The following UBIAD1 variants were observed in gnomAD, a reference collection of about 807,000 sequenced individuals.
UBIAD1 encodes the protein UbiA prenyltransferase domain containing 1.
A neutral mutation model predicts 20.1 loss-of-function variants in UBIAD1; 12 were observed. The observed-to-expected ratio is 0.60, with a 90% CI of 0.38 to 0.97. UBIAD1 has a LOEUF of 0.97. Among genes scored for constraint, UBIAD1 ranks in the 50% least tolerant of loss-of-function variants. The pLI is 0.00. For synonymous variants in UBIAD1, 207 were observed against 189.2 expected (o/e 1.09, Z -0.77); for missense variants, 333 against 419.5 (o/e 0.79, Z 1.80).
intron 1 of UBIAD1, chr1:11,278,971 TCTC>T (rs761147765): frequency 1.9e-4 from 35 of 187,302 alleles, no homozygotes; most frequent in African/African-American, 5.8e-4. Context: ...TTCATGTGAT[TCTC>T]CTGCCTCAGC....
chr1:11,285,786 C>T lies in UBIAD1; in HGVS notation c.672C>T (p.Ser224=), dbSNP rs780116204. The change falls in exon 2 of 2, where the codon AGC becomes AGT. Residue 224 remains serine, a synonymous_variant. Coordinates refer to ENST00000376810, the MANE Select transcript of UBIAD1 (RefSeq NM_013319.3). The surrounding 1 kb of genome is among the most constrained non-coding windows in gnomAD (Gnocchi z 4.4). ...PLVYAIPLAL[S]TEAILHSNNT... The stretch of plus-strand genomic sequence containing the variant: ...TCTATGCCATCCCCCTCGCCCTCAG[C>T]ACCGAGGCCATTCTCCATTCCAACA... 1 of 1,614,206 alleles carries T rather than the reference C, an allele frequency of 6.2e-7. No individual in the cohort carries two copies. Among genetic ancestry groups the T allele is most frequent in the Admixed American group, 1.7e-5 (1 of 60,028 alleles).
chr1:11,286,264 GT>G lies in UBIAD1; in HGVS notation c.*138del, dbSNP rs1416073753. On this transcript the variant is annotated 3_prime_UTR_variant, in exon 2 of 2. Transcript: ENST00000376810. ...TGGGAACTCCTGCCTTATAAAAATTGTTTTTGTGTTCTTAAAGATAATATGT... is the reference window on the plus strand; with the variant it reads ...TGGGAACTCCTGCCTTATAAAAATTGTTTTGTGTTCTTAAAGATAATATGT... The G allele has an allele frequency of 1.7e-6, 2 of 1,198,624 alleles. No homozygotes were observed. Among genetic ancestry groups the G allele is most frequent in the African/African-American group, 1.5e-5 (1 of 64,972 alleles). 74.2% of individuals were successfully genotyped at this position (1,198,624 alleles called of 1,614,324 possible).
downstream of UBIAD1, among the ~76,000 whole-genome samples, chr1:11,288,840 A>G (rs1220151079): frequency 6.6e-6 from 1 of 152,088 alleles, no homozygotes; most frequent in Non-Finnish European, 1.5e-5. Flanking sequence ...TGAACCTAGC[A>G]GGTCGAGGCT....
downstream of UBIAD1, among the ~76,000 whole-genome samples, chr1:11,291,106 CAGG>C (rs1638359427): frequency 6.6e-6 from 1 of 152,168 alleles, no homozygotes; most frequent in Admixed American, 6.5e-5. Context: ...CTAGAATTAA[CAGG>C]AGAATTAGCG....
At chr1:11,290,934 G>A (rs1363378656), downstream of UBIAD1, among the ~76,000 whole-genome samples, 1 of 152,312 alleles carries the variant, frequency 6.6e-6, no homozygotes, top group East Asian at 1.9e-4. Context: ...CTGCACTCCA[G>A]CCTGGACAAC....
intron 1 of UBIAD1, among the ~76,000 whole-genome samples, chr1:11,284,795 A>G (rs1638223177): frequency 6.6e-6 from 1 of 152,064 alleles, no homozygotes; most frequent in African/African-American, 2.4e-5. Flanking sequence ...GGTTCACTCT[A>G]ACGCCTTTTT....
intron 1 of UBIAD1, among the ~76,000 whole-genome samples, chr1:11,283,224 A>G (rs558582316): frequency 5.3e-5 from 8 of 152,330 alleles, no homozygotes; most frequent in African/African-American, 1.4e-4. Context: ...GCCAAAGGTC[A>G]AGGCTGTAGT....
At chr1:11,296,912 T>C (rs1045213703), downstream of UBIAD1, among the ~76,000 whole-genome samples, 25 of 152,090 alleles carry the variant, frequency 1.6e-4, no homozygotes, top group African/African-American at 5.8e-4. Context: ...TGGCTGAGGG[T>C]CCATGTTCTT....
At chr1:11,277,293 C>CTT (rs56363441) in intron 1 of UBIAD1, among the ~76,000 whole-genome samples, 2,216 of 142,868 alleles carry the variant, frequency 0.016, 37 homozygotes, top group African/African-American at 0.04. Context: ...GTACCTGCTA[C>CTT]TTTTTTTTTT....
chr1:11,295,497 AAAC>A (rs1638433031), downstream of UBIAD1: 1 of 152,404 alleles, frequency 6.6e-6, no homozygotes, highest in East Asian at 1.9e-4. Flanking sequence ...GCTGAGAAAC[AAAC>A]AAGAGAGAAT....
chr1:11,281,867 C>T (rs1652251805), intron 1 of UBIAD1, among the ~76,000 whole-genome samples: 1 of 152,192 alleles, frequency 6.6e-6, no homozygotes, highest in African/African-American at 2.4e-5. Flanking sequence ...TCAGTCTGAG[C>T]TCTCGTCTGG....
Position 11,285,998 on chromosome 1 carries a change from C to T in UBIAD1, c.884C>T (p.Ser295Phe). The change falls in exon 2 of 2, where the codon TCC becomes TTC. Residue 295 changes from serine (S) to phenylalanine (F), a missense_variant. Physicochemically the swap from Ser to Phe is radical, Grantham distance 155. Around this residue, in one of 3 missense-constraint regions of UBIAD1, gnomAD observed 226 missense variants for 263.5 expected, o/e 0.86. Coordinates refer to ENST00000376810, the MANE Select transcript of UBIAD1 (RefSeq NM_013319.3). This position sits in a 1 kb window ranked among gnomAD's most constrained non-coding sequence, Gnocchi z 4.4. Reference protein sequence around the residue: ...LPLLTIPMAFSLERQFRSQAF... With the variant: ...LPLLTIPMAFFLERQFRSQAF... ...CTGCTTACCATTCCCATGGCCTTCT[C>T]CCTTGAGAGACAGTTTCGAAGCCAG... is the stretch of plus-strand genomic sequence containing the variant. 6.2e-7 allele frequency: 1 copy of T among 1,614,230 alleles called. No homozygotes were observed. The highest frequency in any genetic ancestry group is 8.5e-7 in the Non-Finnish European group (1 of 1,180,044).
At chr1:11,274,193 TG>T in intron 1 of UBIAD1, 133 bp downstream of exon 1, 1 of 1,155,888 alleles carries the variant, frequency 8.7e-7, no homozygotes, top group East Asian at 2.6e-5. Flanking sequence ...TCTATAATTG[TG>T]GGTGATGTGA....
chr1:11,273,442 C>T lies in UBIAD1; in HGVS notation c.-90C>T. 6.5e-7 allele frequency: 1 copy of T among 1,528,852 alleles called. No individual in the cohort carries two copies. Among genetic ancestry groups the T allele is most frequent in the Non-Finnish European group, 9.0e-7 (1 of 1,116,944 alleles). 94.7% of individuals were successfully genotyped at this position (1,528,852 alleles called of 1,614,324 possible). ...GGGGCGGAACCGAAGGAAGGTCGGG[C>T]CCTGCTGCCCCGCCCCGTCCTTCCT... On this transcript the variant is annotated 5_prime_UTR_variant, in exon 1 of 2. Coordinates refer to ENST00000376810, the MANE Select transcript of UBIAD1 (RefSeq NM_013319.3). The surrounding 1 kb of genome is among the most constrained non-coding windows in gnomAD (Gnocchi z 4.9).
Position 11,285,571 on chromosome 1 carries a change from C to G in UBIAD1, c.530-73C>G, listed in dbSNP as rs566618986. The G allele has an allele frequency of 6.8e-6, 11 of 1,609,650 alleles. No individual in the cohort carries two copies. The highest frequency in any genetic ancestry group is 9.3e-6 in the Non-Finnish European group (11 of 1,179,138). On this transcript the variant is annotated intron_variant, in intron 1 of 1. Transcript: ENST00000376810. The surrounding 1 kb of genome is among the most constrained non-coding windows in gnomAD (Gnocchi z 4.4). Reference sequence around the variant, plus strand: ...CCATTTTCAGCCGGAAGTGGCCTGCCTCTTCACTGGTGAACAGTCCCTAAA... The same window carrying G: ...CCATTTTCAGCCGGAAGTGGCCTGCGTCTTCACTGGTGAACAGTCCCTAAA...
rs1227982973 is a variant in UBIAD1, at chr1:11,273,298, G to A, written c.-234G>A. On this transcript the variant is annotated 5_prime_UTR_variant, in exon 1 of 2. Transcript: ENST00000376810. This position sits in a 1 kb window ranked among gnomAD's most constrained non-coding sequence, Gnocchi z 4.9. ...GCCGTGGGCTCTAACGCGGGGCTGG[G>A]GGCCGGAGACAGACTTCGCCCAGGT... 10 of 579,386 alleles carry A rather than the reference G, an allele frequency of 1.7e-5. No individual in the cohort carries two copies. The South Asian group carries it at 1.8e-4, about 10-fold the overall frequency. 35.9% of individuals were successfully genotyped at this position (579,386 alleles called of 1,614,324 possible).
At chr1:11,298,925 A>G (rs1475552944), downstream of UBIAD1, among the ~76,000 whole-genome samples, 1 of 152,202 alleles carries the variant, frequency 6.6e-6, no homozygotes, top group Non-Finnish European at 1.5e-5. The surrounding 1 kb of genome is among the most constrained non-coding windows in gnomAD (Gnocchi z 4.0). Context: ...GGCTGGGTGC[A>G]GGGGCTGGGT....
In UBIAD1 at chr1:11,285,748, A is replaced by G. The variant is rs1429309881; in HGVS notation, c.634A>G (p.Ile212Val). ...CGCCATCCAGGTGGGGTCCCTGGCCATCTTCCCACTGGTCTATGCCATCCC... is the reference window on the plus strand; with the variant it reads ...CGCCATCCAGGTGGGGTCCCTGGCCGTCTTCCCACTGGTCTATGCCATCCC... ...AYAIQVGSLA[I>V]FPLVYAIPLA... The change falls in exon 2 of 2, where the codon ATC (isoleucine) becomes GTC (valine). Residue 212 changes from isoleucine (I) to valine (V), a missense_variant. Around this residue, in one of 3 missense-constraint regions of UBIAD1, gnomAD observed 226 missense variants for 263.5 expected, o/e 0.86. Transcript: ENST00000376810. The surrounding 1 kb of genome is among the most constrained non-coding windows in gnomAD (Gnocchi z 4.4). 2 of 1,614,056 alleles carry G rather than the reference A, an allele frequency of 1.2e-6. No individual in the cohort carries two copies. Among genetic ancestry groups the G allele is most frequent in the Non-Finnish European group, 1.7e-6 (2 of 1,179,994 alleles).
At chr1:11,291,821 A>G (rs1638372333), downstream of UBIAD1, among the ~76,000 whole-genome samples, 1 of 152,042 alleles carries the variant, frequency 6.6e-6, no homozygotes, top group African/African-American at 2.4e-5. Flanking sequence ...GGGGCACATA[A>G]AGCCATGTCA....
Sources: gnomAD v4.1 joint callset for allele counts (sites outside exome capture counted in the v4.1 genomes callset) on GRCh38, gnomAD v4.1.1 for gene constraint, gnomAD v4.1.1 regional missense constraint, Gnocchi (gnomAD v3.1) non-coding constraint, MANE v1.5 for transcripts, NCBI Gene and HGNC (gene_info 2026-07-23, HGNC 2026-07-21) for gene names.